SP100: variants seen among roughly 807,000 people sequenced by gnomAD.
SP100 encodes nuclear autoantigen Sp-100.
Under a neutral mutation model 130.0 loss-of-function variants are expected in SP100, and 84 were observed. That is an observed-to-expected ratio of 0.65 (90% CI 0.54 to 0.77). SP100 has a LOEUF of 0.77. SP100 is among the 30% of genes least tolerant of loss of function. The pLI is 0.00. For missense variants in SP100, 978 were observed against 1,052.2 expected, an observed-to-expected ratio of 0.93 and a Z score of 0.97; for synonymous variants, 331 against 351.7, an observed-to-expected ratio of 0.94 and a Z score of 0.66.
chr2:230,497,897 G>T (rs535611743), intron 18 of SP100, among the ~76,000 whole-genome samples: 1 of 152,276 alleles, frequency 6.6e-6, no homozygotes, highest in East Asian at 1.9e-4. Context: ...CAGCCTCAAA[G>T]CCTTCATTGA....
At chr2:230,539,912 T>C (rs1213560923) in intron 25 of SP100, among the ~76,000 whole-genome samples, 1 of 152,046 alleles carries the variant, frequency 6.6e-6, no homozygotes, top group Non-Finnish European at 1.5e-5. Context: ...ATTGATAAGG[T>C]GCTCTGTGAG....
At chr2:230,515,283 G>T in intron 24 of SP100, 1 of 1,611,044 alleles carries the variant, frequency 6.2e-7, no homozygotes, top group Non-Finnish European at 8.5e-7. Flanking sequence ...AGAAAAAAAA[G>T]AAGTTCAAGG....
chr2:230,522,770 G>C (rs1448032599), intron 24 of SP100, among the ~76,000 whole-genome samples: 1 of 151,506 alleles, frequency 6.6e-6, no homozygotes, highest in Non-Finnish European at 1.5e-5. Context: ...TTACAGGCAT[G>C]AGCCACTGGC....
At chr2:230,455,409 T>G (rs778730200) in intron 8 of SP100, among the ~76,000 whole-genome samples, 23 of 152,200 alleles carry the variant, frequency 1.5e-4, no homozygotes, top group Non-Finnish European at 2.8e-4. Flanking sequence ...TGATTCAAAC[T>G]GTATCTCATC....
intron 24 of SP100, among the ~76,000 whole-genome samples, chr2:230,513,632 C>T (rs535975892): frequency 3.1e-4 from 47 of 152,188 alleles, no homozygotes; most frequent in African/African-American, 1.1e-3. Context: ...AGGTCATGTC[C>T]CTCGGTGGGG....
intron 2 of SP100, among the ~76,000 whole-genome samples, chr2:230,436,907 C>T (rs56168196): frequency 0.021 from 1,218 of 57,090 alleles, 19 homozygotes; most frequent in African/African-American, 0.073. Context: ...TACACACACG[C>T]ATATATGTGT....
intron 18 of SP100, among the ~76,000 whole-genome samples, chr2:230,495,473 T>A (rs1356138603): frequency 6.6e-6 from 1 of 151,900 alleles, no homozygotes; most frequent in Non-Finnish European, 1.5e-5. Context: ...GCGCATACCA[T>A]CATGCCAAGC....
intron 24 of SP100, among the ~76,000 whole-genome samples, chr2:230,534,270 G>A (rs1052069198): frequency 6.6e-6 from 1 of 152,178 alleles, no homozygotes; most frequent in Non-Finnish European, 1.5e-5. Flanking sequence ...GCCGGGCGTG[G>A]TGGTGGGCAC....
At chr2:230,515,479 G>A (rs777933993) in intron 24 of SP100, 1 of 1,613,226 alleles carries the variant, frequency 6.2e-7, no homozygotes, top group East Asian at 2.2e-5. Flanking sequence ...AAAGCTGAAG[G>A]AAAAATACAA....
chr2:230,503,197 A>G, intron 20 of SP100, 87 bp downstream of exon 20: 1 of 979,168 alleles, frequency 1.0e-6, no homozygotes, highest in Non-Finnish European at 1.5e-6. Context: ...AGTTTTCTTA[A>G]TTGGCATATG....
chr2:230,489,619 T>C (rs1034712958), intron 17 of SP100, among the ~76,000 whole-genome samples: 1 of 152,200 alleles, frequency 6.6e-6, no homozygotes, highest in Non-Finnish European at 1.5e-5. Flanking sequence ...GTATAGATTT[T>C]AGATCTTTCT....
intron 2 of SP100, among the ~76,000 whole-genome samples, chr2:230,434,332 G>A (rs1308382320): frequency 6.6e-6 from 1 of 152,102 alleles, no homozygotes; most frequent in Non-Finnish European, 1.5e-5. Flanking sequence ...TTCAGGTTGA[G>A]GAGTATGTGT....
intron 2 of SP100, among the ~76,000 whole-genome samples, chr2:230,428,506 G>A (rs193003995): frequency 5.2e-4 from 79 of 151,142 alleles, no homozygotes; most frequent in Admixed American, 2.9e-3. Context: ...GCGGTGGCGC[G>A]ATCTCAGCTC....
At chr2:230,496,467 T>A (rs974652127) in intron 18 of SP100, among the ~76,000 whole-genome samples, 1 of 152,106 alleles carries the variant, frequency 6.6e-6, no homozygotes, top group Non-Finnish European at 1.5e-5. Context: ...AATTTGGGTC[T>A]AGGAGGAGGA....
At chr2:230,431,820 G>A (rs979606954) in intron 2 of SP100, among the ~76,000 whole-genome samples, 1 of 151,990 alleles carries the variant, frequency 6.6e-6, no homozygotes, top group African/African-American at 2.4e-5. Flanking sequence ...GAAAAATGTG[G>A]CTCACTAAGT....
chr2:230,466,306 A>G lies in SP100; in HGVS notation c.1147A>G (p.Met383Val), dbSNP rs1176685589. The G allele has an allele frequency of 1.0e-5, 16 of 1,578,690 alleles. No individual in the cohort carries two copies. Among genetic ancestry groups the G allele is most frequent in the Middle Eastern group, 1.7e-4 (1 of 6,014 alleles). ...TTCTCCCTTTTACTTTACAGAGCCC[A>G]TGGATTTCAGAAAATTATCTACATT... is the stretch of plus-strand genomic sequence containing the variant. ...CSRPQIVPEPMDFRKLSTFRE... is the reference protein window; with the variant it reads ...CSRPQIVPEPVDFRKLSTFRE... Residue 383 changes from methionine (M) to valine (V), a missense_variant, in exon 12 of 29, where the codon ATG becomes GTG. Physicochemically the swap from Met to Val is conservative, Grantham distance 21. Transcript: ENST00000340126.
intron 8 of SP100, among the ~76,000 whole-genome samples, chr2:230,461,025 T>TTA (rs1553637809): frequency 6.6e-6 from 1 of 151,416 alleles, no homozygotes; most frequent in Admixed American, 6.6e-5. Flanking sequence ...TTATTTTTTT[T>TTA]AAAAAGCAAA....
In SP100 at chr2:230,470,031, CT is replaced by C; in HGVS notation, c.1366del (p.Ser456GlnfsTer3). The C allele has an allele frequency of 6.2e-7, 1 of 1,612,588 alleles. No individual in the cohort carries two copies. Among genetic ancestry groups the C allele is most frequent in the South Asian group, 1.1e-5 (1 of 90,796 alleles). On this transcript the variant is annotated frameshift_variant, in exon 15 of 29. Coordinates refer to ENST00000340126, the MANE Select transcript of SP100 (RefSeq NM_001080391.2). LOFTEE classifies it high-confidence loss of function. ...TTTCTGCAGGTTTCAGCAGTAGTGA[CT>C]TTTCAGACCTGAGTAATGGAGAAGA... Reference protein sequence around the residue: ...SRKRRFSSSDFSDLSNGEELQ... With the variant: ...SRKRRFSSSDXSDLSNGEELQ...
chr2:230,444,954 C>T lies in SP100; in HGVS notation c.439+608C>T, dbSNP rs1456812770. Among the ~76,000 whole-genome samples, 4 of 152,214 alleles carry T rather than the reference C, an allele frequency of 2.6e-5. No homozygotes were observed. The South Asian group carries it at 6.2e-4, about 24-fold the overall frequency. The stretch of plus-strand genomic sequence containing the variant: ...TCTAACCTCAGTGTTTGCCTAGTAA[C>T]ACTGCAAAAAAGGCTACCTTTATTA... On this transcript the variant is annotated intron_variant, in intron 4 of 28. Transcript: ENST00000340126.
Sources: gnomAD v4.1 joint callset for allele counts (sites outside exome capture counted in the v4.1 genomes callset) on GRCh38, gnomAD v4.1.1 for gene constraint, MANE v1.5 for transcripts, NCBI Gene and HGNC (gene_info 2026-07-23, HGNC 2026-07-21) for gene names.